COMMD10: variants seen among roughly 807,000 people sequenced by gnomAD.
The protein encoded by COMMD10 is COMM domain-containing protein 10.
A neutral mutation model predicts 28.9 loss-of-function variants in COMMD10; 33 were observed. The observed-to-expected ratio is 1.14, with a 90% CI of 0.87 to 1.53. The LOEUF (loss-of-function observed/expected upper bound fraction) is 1.53, where lower values mean the gene tolerates loss of function less well. Ranked by LOEUF, COMMD10 falls within the 40% of genes most tolerant of loss-of-function variation. The pLI, the probability that COMMD10 is intolerant of heterozygous loss-of-function variation, is 0.00. For missense variants in COMMD10, 310 were observed against 233.4 expected, an observed-to-expected ratio of 1.33 and a Z score of -2.14; for synonymous variants, 110 against 81.7, an observed-to-expected ratio of 1.35 and a Z score of -1.87.
chr5:116,167,459 G>A (rs1753163492), intron 5 of COMMD10, among the ~76,000 whole-genome samples: 1 of 152,124 alleles, frequency 6.6e-6, no homozygotes, highest in Non-Finnish European at 1.5e-5. Flanking sequence ...AACCTAGCAA[G>A]ACAGGACAAC....
chr5:116,146,279 G>C (rs1202066848), intron 5 of COMMD10, among the ~76,000 whole-genome samples: 1 of 151,758 alleles, frequency 6.6e-6, no homozygotes, highest in African/African-American at 2.4e-5. Context: ...TGCTTCCTTG[G>C]TTGATAATAT....
intron 4 of COMMD10, among the ~76,000 whole-genome samples, chr5:116,126,469 C>T (rs1032078105): frequency 6.6e-6 from 1 of 152,096 alleles, no homozygotes; most frequent in Admixed American, 6.5e-5. Flanking sequence ...ATTGCCAAGT[C>T]AATCCTAAGC....
At chr5:116,135,487 C>G (rs553878779) in intron 5 of COMMD10, among the ~76,000 whole-genome samples, 30 of 152,200 alleles carry the variant, frequency 2.0e-4, no homozygotes, top group African/African-American at 6.0e-4. Flanking sequence ...GTAATATGAA[C>G]TTAGTGGTTA....
At chr5:116,161,935 C>G (rs1752931611) in intron 5 of COMMD10, among the ~76,000 whole-genome samples, 1 of 152,138 alleles carries the variant, frequency 6.6e-6, no homozygotes, top group Admixed American at 6.5e-5. Flanking sequence ...AAATATGCTG[C>G]TAGTTACAGC....
intron 5 of COMMD10, among the ~76,000 whole-genome samples, chr5:116,236,837 T>C (rs911529718): frequency 1.3e-5 from 2 of 152,172 alleles, no homozygotes; most frequent in Non-Finnish European, 2.9e-5. Flanking sequence ...TCTGTCAGTA[T>C]AGGTTCATTG....
intron 5 of COMMD10, among the ~76,000 whole-genome samples, chr5:116,196,159 C>G (rs1023760011): frequency 6.6e-6 from 1 of 152,166 alleles, no homozygotes; most frequent in Non-Finnish European, 1.5e-5. Flanking sequence ...CAGCACAATT[C>G]ACAAATACAA....
At chr5:116,197,852 A>G (rs1010779401) in intron 5 of COMMD10, among the ~76,000 whole-genome samples, 1 of 152,154 alleles carries the variant, frequency 6.6e-6, no homozygotes, top group Non-Finnish European at 1.5e-5. Flanking sequence ...AGATTACATG[A>G]CTTGCCTAGG....
At chr5:116,157,260 T>C (rs72804845) in intron 5 of COMMD10, among the ~76,000 whole-genome samples, 8,171 of 152,284 alleles carry the variant, frequency 0.054, 307 homozygotes, top group East Asian at 0.16. Flanking sequence ...GGACCTTACC[T>C]TTGGTAACAT....
intron 4 of COMMD10, among the ~76,000 whole-genome samples, chr5:116,122,392 G>A (rs1362025922): frequency 2.6e-5 from 4 of 152,202 alleles, no homozygotes; most frequent in Admixed American, 2.0e-4. Flanking sequence ...TAGCCTTGTA[G>A]TATAGTTTGA....
chr5:116,133,168 CAT>C (rs1422874415), intron 4 of COMMD10, among the ~76,000 whole-genome samples: 1 of 152,100 alleles, frequency 6.6e-6, no homozygotes, highest in East Asian at 1.9e-4. Flanking sequence ...TTCTCAGAGG[CAT>C]ATGACAATTG....
chr5:116,146,750 A>G (rs551353333), intron 5 of COMMD10, among the ~76,000 whole-genome samples: 1 of 151,972 alleles, frequency 6.6e-6, no homozygotes, highest in South Asian at 2.1e-4. Context: ...ATTTAGAGGA[A>G]GTTAAACTTA....
At chr5:116,097,688 C>G (rs1425189472) in intron 4 of COMMD10, among the ~76,000 whole-genome samples, 2 of 152,064 alleles carry the variant, frequency 1.3e-5, no homozygotes, top group African/African-American at 4.8e-5. Context: ...GTTCTGCAGG[C>G]TGTACGGGAA....
intron 5 of COMMD10, among the ~76,000 whole-genome samples, chr5:116,172,752 A>G (rs995646252): frequency 6.6e-6 from 1 of 152,204 alleles, no homozygotes; most frequent in African/African-American, 2.4e-5. Context: ...CTGGCTGTGC[A>G]TAGATGTGGG....
chr5:116,221,254 A>G (rs1478279698), intron 5 of COMMD10, among the ~76,000 whole-genome samples: 1 of 151,822 alleles, frequency 6.6e-6, no homozygotes. Context: ...CCAATCAATG[A>G]CCCCAAATTT....
intron 5 of COMMD10, among the ~76,000 whole-genome samples, chr5:116,238,013 G>T (rs570926260): frequency 1.3e-5 from 2 of 152,160 alleles, no homozygotes; most frequent in East Asian, 1.9e-4. Flanking sequence ...ACAGTATTTT[G>T]TTTTGAATAA....
At chr5:116,115,028 T>G (rs762992895) in intron 4 of COMMD10, among the ~76,000 whole-genome samples, 8 of 152,120 alleles carry the variant, frequency 5.3e-5, no homozygotes, top group Non-Finnish European at 1.0e-4. Flanking sequence ...AACCACAGAT[T>G]GAGTTACTCT....
At chr5:116,172,333 TCAGA>T (rs774572115) in intron 5 of COMMD10, among the ~76,000 whole-genome samples, 18 of 152,118 alleles carry the variant, frequency 1.2e-4, no homozygotes, top group African/African-American at 3.6e-4. Flanking sequence ...GAAGGAGTAC[TCAGA>T]CAGAGGGAGC....
chr5:116,179,811 A>G (rs983519952), intron 5 of COMMD10, among the ~76,000 whole-genome samples: 1 of 152,088 alleles, frequency 6.6e-6, no homozygotes, highest in African/African-American at 2.4e-5. Flanking sequence ...GATTGAAGTA[A>G]TATTGAGGCA....
chr5:116,242,754 G>T (rs187593695), intron 5 of COMMD10, among the ~76,000 whole-genome samples: 1 of 152,298 alleles, frequency 6.6e-6, no homozygotes, highest in African/African-American at 2.4e-5. Context: ...AGATTTTAGA[G>T]GGGAGAGGGT....
Sources: allele counts gnomAD v4.1 joint callset (sites outside exome capture counted in the v4.1 genomes callset), GRCh38; gene constraint gnomAD v4.1.1; transcripts MANE v1.5; gene names NCBI Gene and HGNC (gene_info 2026-07-23, HGNC 2026-07-21).